Variants in TEX14 observed in about 807,000 individuals in gnomAD.
The protein encoded by TEX14 is testis expressed 14, intercellular bridge forming factor.
A neutral mutation model predicts 178.6 loss-of-function variants in TEX14; 168 were observed. The observed-to-expected ratio is 0.94, with a 90% confidence interval of 0.83 to 1.07. TEX14 has a LOEUF of 1.07. TEX14 is among the 50% of genes least tolerant of loss of function. TEX14 has a pLI of 0.00. For missense variants in TEX14, 1,730 were observed against 1,753.6 expected, an observed-to-expected ratio of 0.99 and a Z score of 0.24; for synonymous variants, 626 against 634.1, an observed-to-expected ratio of 0.99 and a Z score of 0.19.
At chr17:58,673,935 C>A (rs1401971493) in intron 1 of TEX14, among the ~76,000 whole-genome samples, 2 of 152,046 alleles carry the variant, frequency 1.3e-5, no homozygotes, top group African/African-American at 4.8e-5. Flanking sequence ...ATATTTTCTA[C>A]AAACATCTTC....
intron 10 of TEX14, among the ~76,000 whole-genome samples, chr17:58,607,586 A>G (rs986950557): frequency 6.6e-6 from 1 of 152,114 alleles, no homozygotes; most frequent in Non-Finnish European, 1.5e-5. Context: ...AGTTTCCTCA[A>G]CTATATAAGG....
chr17:58,679,015 G>C (rs541484233), intron 1 of TEX14, among the ~76,000 whole-genome samples: 1 of 151,912 alleles, frequency 6.6e-6, no homozygotes, highest in African/African-American at 2.4e-5. Context: ...TTAGCAAGGC[G>C]TGGTGGCGTG....
chr17:58,640,358 C>T (rs1434739554), intron 2 of TEX14, among the ~76,000 whole-genome samples: 2 of 151,878 alleles, frequency 1.3e-5, no homozygotes, highest in African/African-American at 4.8e-5. Flanking sequence ...GCCATGTTCC[C>T]AGCGTCACAT....
intron 1 of TEX14, among the ~76,000 whole-genome samples, chr17:58,654,950 C>A (rs936394419): frequency 6.6e-6 from 1 of 151,708 alleles, no homozygotes; most frequent in Non-Finnish European, 1.5e-5. Flanking sequence ...CGCGCCTGGC[C>A]AAAACTTTTA....
intron 1 of TEX14, chr17:58,666,387 G>A (rs1474264915): frequency 7.2e-6 from 1 of 139,012 alleles, no homozygotes; most frequent in Non-Finnish European, 1.5e-5. Flanking sequence ...AACCAAAGAA[G>A]GCTGAGCGCA....
intron 10 of TEX14, among the ~76,000 whole-genome samples, chr17:58,607,523 T>G (rs975190946): frequency 6.6e-6 from 1 of 152,170 alleles, no homozygotes; most frequent in Non-Finnish European, 1.5e-5. Context: ...CATCTGTGTC[T>G]CTAACCAATC....
Position 58,651,384 on chromosome 17 carries a change from CAT to C in TEX14, c.136+480_136+481del, listed in dbSNP as rs745974337. 3.1e-4 allele frequency among the ~76,000 whole-genome samples: 47 copies of C among 152,142 alleles called. 1 individual carries two copies. The highest frequency in any genetic ancestry group is 1.4e-3 in the Admixed American group (22 of 15,266). On this transcript the variant is annotated intron_variant, in intron 2 of 31. Transcript: ENST00000349033. ...GTTTTCTCAGACCAAATTCACATGA[CAT>C]GTTTGTTGGTTCTTTTGAAGACTGC... is the stretch of plus-strand genomic sequence containing the variant.
chr17:58,592,075 A>AG (rs1448084821), intron 15 of TEX14, among the ~76,000 whole-genome samples: 5 of 151,718 alleles, frequency 3.3e-5, no homozygotes, highest in Admixed American at 2.0e-4. Flanking sequence ...AAAAAAAAAA[A>AG]GAAAGAAAAA....
At chr17:58,655,982 C>T (rs1397260394) in intron 1 of TEX14, among the ~76,000 whole-genome samples, 1 of 152,180 alleles carries the variant, frequency 6.6e-6, no homozygotes, top group African/African-American at 2.4e-5. Flanking sequence ...GGAAGTACTC[C>T]TGGGCCCTTT....
chr17:58,615,246 C>A lies in TEX14; in HGVS notation c.867G>T (p.Glu289Asp), dbSNP rs1486991235. The change falls in exon 8 of 32, where the codon GAG (glutamate) becomes GAT (aspartate). Residue 289 changes from glutamate (E) to aspartate (D), a missense_variant. This residue lies in a region of TEX14 where 789 missense variants were observed against 681.2 expected (regional missense o/e 1.16). Coordinates refer to ENST00000349033, the MANE Select transcript of TEX14 (RefSeq NM_031272.5). ...RLRLADLLIA[E>D]QEHSSKLRHP... ...TTCCTTCTCACCTGCTGTGTTCCTG[C>A]TCGGCAATTAACAAGTCGGCCAGCC... 1 of 1,611,796 alleles carries A rather than the reference C, an allele frequency of 6.2e-7. No individual in the cohort carries two copies. Among genetic ancestry groups the A allele is most frequent in the East Asian group, 2.2e-5 (1 of 44,860 alleles).
chr17:58,632,213 A>T (rs1269465247), intron 2 of TEX14, among the ~76,000 whole-genome samples: 6 of 152,214 alleles, frequency 3.9e-5, no homozygotes, highest in Non-Finnish European at 7.3e-5. Flanking sequence ...ATAACCAAAG[A>T]GTGAAGGGAA....
At chr17:58,600,774 T>C (rs2144476939) in intron 13 of TEX14, among the ~76,000 whole-genome samples, 1 of 152,136 alleles carries the variant, frequency 6.6e-6, no homozygotes, top group East Asian at 1.9e-4. Context: ...TCAGAGTGAA[T>C]GGTCATTTGG....
At position 58,570,472 on chromosome 17, in the gene TEX14, A is replaced by G. The variant is rs779753524; in HGVS notation, c.3730T>C (p.Ser1244Pro). The change falls in exon 25 of 32, where the codon TCA becomes CCA. Residue 1244 changes from serine (S) to proline (P), a missense_variant. Physicochemically the swap from Ser to Pro is moderately conservative, Grantham distance 74. Coordinates refer to ENST00000349033, the MANE Select transcript of TEX14 (RefSeq NM_031272.5). ...CTGGGGGATCCAGCCCCAATAAATG[A>G]AGACAATCTTTTCTATAAGGAAGAG... ...SRLTGLKRLS[S>P]FIGAGSPSLV... is the part of the protein sequence containing the mutation. 1.3e-6 allele frequency: 2 copies of G among 1,526,240 alleles called. No homozygotes were observed. Among genetic ancestry groups the G allele is most frequent in the African/African-American group, 2.9e-5 (2 of 68,772 alleles). The allele number at this position is 1,526,240 out of a possible 1,614,324, so 94.5% of individuals were successfully genotyped here.
chr17:58,627,088 G>A (rs906706376), intron 3 of TEX14, among the ~76,000 whole-genome samples: 2 of 152,032 alleles, frequency 1.3e-5, no homozygotes, highest in African/African-American at 4.8e-5. Flanking sequence ...GGCATTGCCT[G>A]GCATTACAAG....
At chr17:58,686,861 CTTTTTTTTTTTTTTT>C (rs71143271) in intron 1 of TEX14, among the ~76,000 whole-genome samples, 11 of 71,480 alleles carry the variant, frequency 1.5e-4, no homozygotes, top group African/African-American at 4.8e-4. Context: ...GAAAGGTCAC[CTTTTTTTTTTTTTTT>C]TTTTTTTTTT....
chr17:58,576,816 C>A (rs2044689138), intron 21 of TEX14, among the ~76,000 whole-genome samples: 1 of 152,120 alleles, frequency 6.6e-6, no homozygotes, highest in Non-Finnish European at 1.5e-5. Flanking sequence ...CAGCATAATT[C>A]TCTGGAAATT....
At chr17:58,631,136 G>A (rs1297204144) in intron 2 of TEX14, 1 of 984,138 alleles carries the variant, frequency 1.0e-6, no homozygotes, top group Non-Finnish European at 1.2e-6. Context: ...TCCTCCAGAA[G>A]ACCAAAAAAC....
At chr17:58,658,744 G>C (rs761465716) in intron 1 of TEX14, among the ~76,000 whole-genome samples, 2 of 151,942 alleles carry the variant, frequency 1.3e-5, no homozygotes, top group Non-Finnish European at 2.9e-5. Flanking sequence ...TATCTGCACA[G>C]AAAAACTGAA....
At chr17:58,631,831 AGTCTTAAT>A (rs1448427981) in intron 2 of TEX14, 1 of 152,068 alleles carries the variant, frequency 6.6e-6, no homozygotes, top group Non-Finnish European at 1.5e-5. Flanking sequence ...CTCAAAATAT[AGTCTTAAT>A]GTCCATTTAT....
Sources: gnomAD v4.1 joint callset for allele counts (sites outside exome capture counted in the v4.1 genomes callset) on GRCh38, gnomAD v4.1.1 for gene constraint, gnomAD v4.1.1 regional missense constraint, MANE v1.5 for transcripts, NCBI Gene and HGNC (gene_info 2026-07-23, HGNC 2026-07-21) for gene names.